The following ADAMTS18 variants were observed in gnomAD, a reference collection of about 807,000 sequenced individuals.
ADAMTS18 encodes ADAM metallopeptidase with thrombospondin type 1 motif 18, also known as A disintegrin and metalloproteinase with thrombospondin motifs 18.
In ADAMTS18, 157 loss-of-function variants were observed where a neutral mutation model predicts 165.9. That is an observed-to-expected ratio of 0.95 (90% CI 0.83 to 1.08). The LOEUF (loss-of-function observed/expected upper bound fraction) is 1.08, where lower values mean the gene tolerates loss of function less well. Ranked by LOEUF, ADAMTS18 falls within the 50% of genes least tolerant of loss-of-function variation. ADAMTS18 has a pLI of 0.00. For synonymous variants in ADAMTS18, 782 were observed against 578.2 expected (o/e 1.35, Z -5.06); for missense variants, 2,040 against 1,534.0 (o/e 1.33, Z -5.51).
intron 3 of ADAMTS18, among the ~76,000 whole-genome samples, chr16:77,380,517 G>A (rs780045262): frequency 3.3e-5 from 5 of 152,174 alleles, no homozygotes; most frequent in Non-Finnish European, 7.3e-5. Flanking sequence ...AAAAGAGTAT[G>A]TACCTCTAAG....
In ADAMTS18 at chr16:77,383,101, C is replaced by G. The variant is rs1567529745; in HGVS notation, c.496-15378G>C. On this transcript the variant is annotated intron_variant, in intron 3 of 22. Transcript: ENST00000282849. ...CAACTAATCTCTTGAGCTCCTCTCT[C>G]TGTCCCTCCTGTGTTCTCATTCCAG... is the stretch of plus-strand genomic sequence containing the variant. Among the ~76,000 whole-genome samples the G allele has an allele frequency of 3.9e-5, 6 of 152,198 alleles. No homozygotes were observed. In the South Asian group the frequency reaches 8.3e-4, roughly 21 times the overall value.
chr16:77,417,282 G>C (rs998557768), intron 3 of ADAMTS18, among the ~76,000 whole-genome samples: 1 of 152,128 alleles, frequency 6.6e-6, no homozygotes, highest in Non-Finnish European at 1.5e-5. Flanking sequence ...GGATAGCTGG[G>C]TGGGTGAGTG....
Position 77,364,452 on chromosome 16 carries a change from T to G in ADAMTS18, c.779-71A>C, listed in dbSNP as rs541820562. The G allele has an allele frequency of 4.2e-5, 64 of 1,513,350 alleles. No homozygotes were observed. The South Asian group carries it at 5.9e-4, about 14-fold the overall frequency. The allele number at this position is 1,513,350 out of a possible 1,614,324, so 93.7% of individuals were successfully genotyped here. A position where few individuals can be genotyped will look rare whatever the true frequency, so the allele number is the denominator to read the frequency against. Reference sequence around the variant, plus strand: ...TGGATAAGACAGTTGAGAGAGAAACTGAAACAAGGGAAGAAGAGAAACTAT... The same window carrying G: ...TGGATAAGACAGTTGAGAGAGAAACGGAAACAAGGGAAGAAGAGAAACTAT... On this transcript the variant is annotated intron_variant, in intron 4 of 22. Coordinates refer to ENST00000282849, the MANE Select transcript of ADAMTS18 (RefSeq NM_199355.4).
chr16:77,291,133 T>G lies in ADAMTS18; in HGVS notation c.3402+133A>C, dbSNP rs2055353936. 4.1e-6 allele frequency: 4 copies of G among 974,808 alleles called. No homozygotes were observed. The South Asian group carries it at 5.6e-5, about 14-fold the overall frequency. 60.4% of individuals were successfully genotyped at this position (974,808 alleles called of 1,614,324 possible). A position where few individuals can be genotyped will look rare whatever the true frequency, so the allele number is the denominator to read the frequency against. ...CAGGGCCAAAGAACAAAACCCATTCTGCCTTCAGAACTTGAGCCCTTAGTT... is the reference window on the plus strand; with the variant it reads ...CAGGGCCAAAGAACAAAACCCATTCGGCCTTCAGAACTTGAGCCCTTAGTT... On this transcript the variant is annotated intron_variant, in intron 21 of 22. Transcript: ENST00000282849.
intron 3 of ADAMTS18, among the ~76,000 whole-genome samples, chr16:77,368,799 G>C (rs1388750942): frequency 6.6e-6 from 1 of 152,146 alleles, no homozygotes; most frequent in Non-Finnish European, 1.5e-5. Context: ...ATCTCTAAGT[G>C]GGGGTCTAGA....
intron 13 of ADAMTS18, 71 bp from the exon 14 acceptor site, chr16:77,322,537 G>A: frequency 6.4e-7 from 1 of 1,558,626 alleles, no homozygotes; most frequent in Admixed American, 1.7e-5. Flanking sequence ...ATTGTCAAAA[G>A]AATGAATTAA....
At chr16:77,378,006 A>G (rs1057202951) in intron 3 of ADAMTS18, among the ~76,000 whole-genome samples, 7 of 152,292 alleles carry the variant, frequency 4.6e-5, no homozygotes, top group Non-Finnish European at 1.0e-4. Flanking sequence ...GAGGAAAACC[A>G]TTGGTAAAAG....
At chr16:77,319,447 T>C (rs1235089259) in intron 16 of ADAMTS18, among the ~76,000 whole-genome samples, 3 of 152,108 alleles carry the variant, frequency 2.0e-5, no homozygotes, top group Non-Finnish European at 2.9e-5. Flanking sequence ...ACACCTTTTG[T>C]TGTTGTTGTT....
chr16:77,400,951 C>A (rs1424829804), intron 3 of ADAMTS18, among the ~76,000 whole-genome samples: 2 of 152,024 alleles, frequency 1.3e-5, no homozygotes, highest in African/African-American at 4.8e-5. Flanking sequence ...TTATCTCAGG[C>A]TCTATTTTGA....
At chr16:77,427,802 G>A (rs72801687) in intron 3 of ADAMTS18, among the ~76,000 whole-genome samples, 1 of 152,090 alleles carries the variant, frequency 6.6e-6, no homozygotes, top group African/African-American at 2.4e-5. Flanking sequence ...GGAGGTGGGT[G>A]CATTTTAAGA....
intron 3 of ADAMTS18, among the ~76,000 whole-genome samples, chr16:77,400,206 G>A (rs1031549786): frequency 1.3e-5 from 2 of 152,156 alleles, no homozygotes; most frequent in African/African-American, 2.4e-5. Context: ...TCCAGCTGCA[G>A]TAGACAGTTC....
At chr16:77,389,234 G>T (rs1484853724) in intron 3 of ADAMTS18, among the ~76,000 whole-genome samples, 1 of 152,190 alleles carries the variant, frequency 6.6e-6, no homozygotes, top group Non-Finnish European at 1.5e-5. Context: ...GAGCCTGGAA[G>T]GTCAAGTCTT....
At chr16:77,387,485 TAC>T (rs1235071533) in intron 3 of ADAMTS18, among the ~76,000 whole-genome samples, 1 of 152,040 alleles carries the variant, frequency 6.6e-6, no homozygotes, top group African/African-American at 2.4e-5. Flanking sequence ...TACTCAAGAG[TAC>T]ACACACAGAG....
intron 12 of ADAMTS18, among the ~76,000 whole-genome samples, chr16:77,327,335 C>T (rs900882075): frequency 6.6e-6 from 1 of 152,120 alleles, no homozygotes; most frequent in Non-Finnish European, 1.5e-5. Context: ...TTGCCACCCC[C>T]TACCCTTTCC....
intron 2 of ADAMTS18, 91 bp downstream of exon 2, chr16:77,434,327 G>C (rs1278982240): frequency 7.1e-7 from 1 of 1,406,750 alleles, no homozygotes; most frequent in Non-Finnish European, 9.7e-7. Context: ...CAGGTTAGGG[G>C]GTGCGCTTTT....
At chr16:77,372,818 G>T (rs142320138) in intron 3 of ADAMTS18, among the ~76,000 whole-genome samples, 1 of 151,964 alleles carries the variant, frequency 6.6e-6, no homozygotes, top group Non-Finnish European at 1.5e-5. Context: ...TTCTATTGAC[G>T]TCCCAAATCC....
chr16:77,360,147 T>C (rs1377002102), intron 7 of ADAMTS18, among the ~76,000 whole-genome samples: 1 of 152,216 alleles, frequency 6.6e-6, no homozygotes, highest in Non-Finnish European at 1.5e-5. Context: ...GTGAATGGAT[T>C]GTACCCACTT....
intron 22 of ADAMTS18, among the ~76,000 whole-genome samples, chr16:77,284,709 T>C (rs1215014894): frequency 6.6e-6 from 1 of 152,166 alleles, no homozygotes; most frequent in African/African-American, 2.4e-5. Flanking sequence ...GGAGCTACCA[T>C]GGAATTCAGT....
intron 22 of ADAMTS18, among the ~76,000 whole-genome samples, chr16:77,288,599 T>C (rs535878164): frequency 6.6e-6 from 1 of 152,296 alleles, no homozygotes; most frequent in African/African-American, 2.4e-5. Context: ...CCTAGGGCAA[T>C]ACATATTCAC....
Sources: gnomAD v4.1 joint callset for allele counts (sites outside exome capture counted in the v4.1 genomes callset) on GRCh38, gnomAD v4.1.1 for gene constraint, MANE v1.5 for transcripts, NCBI Gene and HGNC (gene_info 2026-07-23, HGNC 2026-07-21) for gene names.